ST6GALNAC5: variants seen among roughly 807,000 people sequenced by gnomAD.
ST6GALNAC5 encodes the protein ST6 N-acetylgalactosaminide alpha-2,6-sialyltransferase 5, also known as alpha-N-acetylgalactosaminide alpha-2,6-sialyltransferase 5.
Under a neutral mutation model 33.6 loss-of-function variants are expected in ST6GALNAC5, and 27 were observed. That is an observed-to-expected ratio of 0.80 (90% CI 0.59 to 1.11). ST6GALNAC5 has a LOEUF of 1.11. Ranked by LOEUF, ST6GALNAC5 falls within the 50% of genes least tolerant of loss-of-function variation. The pLI is 0.00. For synonymous variants in ST6GALNAC5, 194 were observed against 171.2 expected, an observed-to-expected ratio of 1.13 and a Z score of -1.04; for missense variants, 428 against 454.0, an observed-to-expected ratio of 0.94 and a Z score of 0.52.
rs113306133 is a variant in ST6GALNAC5, at chr1:76,897,739, T to G, written c.261+28997T>G. Among the ~76,000 whole-genome samples the G allele has an allele frequency of 5.3e-4, 81 of 152,218 alleles. 2 individuals carry two copies. The East Asian group carries it at 6.2e-3, about 12-fold the overall frequency. On this transcript the variant is annotated intron_variant, in intron 2 of 4. Coordinates refer to ENST00000477717, the MANE Select transcript of ST6GALNAC5 (RefSeq NM_030965.3). ...GCAGATAATTTAGTTAAAGTGTCTCTGCCTAATAAGGGAACTGGGCAGGTG... is the reference window on the plus strand; with the variant it reads ...GCAGATAATTTAGTTAAAGTGTCTCGGCCTAATAAGGGAACTGGGCAGGTG...
At chr1:76,994,583 C>T (rs1649853819) in intron 2 of ST6GALNAC5, among the ~76,000 whole-genome samples, 2 of 151,964 alleles carry the variant, frequency 1.3e-5, no homozygotes, top group Admixed American at 6.6e-5. Context: ...ACCCCGAGCC[C>T]ACACTTAAAA....
chr1:76,916,505 T>A (rs770469464), intron 2 of ST6GALNAC5, among the ~76,000 whole-genome samples: 5 of 152,192 alleles, frequency 3.3e-5, no homozygotes, highest in Non-Finnish European at 7.3e-5. Flanking sequence ...AATTTTACTT[T>A]ATTTTTTGAT....
intron 2 of ST6GALNAC5, among the ~76,000 whole-genome samples, chr1:76,969,421 A>G (rs981622868): frequency 1.3e-5 from 2 of 152,222 alleles, no homozygotes; most frequent in Non-Finnish European, 2.9e-5. Context: ...AGCCTTGCTC[A>G]CTGCTAGTGC....
At chr1:76,998,818 G>T (rs1650035771) in intron 2 of ST6GALNAC5, among the ~76,000 whole-genome samples, 1 of 152,110 alleles carries the variant, frequency 6.6e-6, no homozygotes, top group Non-Finnish European at 1.5e-5. Context: ...GCAGAATGTG[G>T]AATAGTTTCT....
chr1:76,921,398 A>G (rs1040476137), intron 2 of ST6GALNAC5, among the ~76,000 whole-genome samples: 1 of 152,136 alleles, frequency 6.6e-6, no homozygotes, highest in Non-Finnish European at 1.5e-5. Flanking sequence ...ACAGAGAAAA[A>G]TCAATGAAAC....
intron 2 of ST6GALNAC5, among the ~76,000 whole-genome samples, chr1:76,918,258 T>C (rs1171720392): frequency 1.3e-5 from 2 of 152,104 alleles, no homozygotes; most frequent in Non-Finnish European, 2.9e-5. Context: ...AAGAGATCTC[T>C]AATAAAATGC....
At chr1:76,905,584 T>C (rs1419501108) in intron 2 of ST6GALNAC5, among the ~76,000 whole-genome samples, 2 of 152,244 alleles carry the variant, frequency 1.3e-5, no homozygotes, top group Non-Finnish European at 2.9e-5. Context: ...ATCAGGACAC[T>C]GTTCTTCAAA....
At chr1:76,884,804 G>T (rs745419330) in intron 2 of ST6GALNAC5, among the ~76,000 whole-genome samples, 1 of 152,140 alleles carries the variant, frequency 6.6e-6, no homozygotes, top group Non-Finnish European at 1.5e-5. Flanking sequence ...TTGATGTGCT[G>T]TTTGATAAAA....
intron 2 of ST6GALNAC5, among the ~76,000 whole-genome samples, chr1:76,897,858 C>A (rs1364952831): frequency 2.0e-5 from 3 of 152,120 alleles, no homozygotes; most frequent in South Asian, 4.1e-4. Context: ...GCCGTCAATA[C>A]CCACAACAGT....
intron 3 of ST6GALNAC5, among the ~76,000 whole-genome samples, chr1:77,046,950 A>G (rs1255534292): frequency 6.6e-6 from 1 of 152,152 alleles, no homozygotes; most frequent in Non-Finnish European, 1.5e-5. Flanking sequence ...ATCTTTAGGA[A>G]CCCTTCTCAC....
chr1:76,907,929 A>G (rs747449841), intron 2 of ST6GALNAC5, among the ~76,000 whole-genome samples: 47 of 152,164 alleles, frequency 3.1e-4, no homozygotes, highest in Non-Finnish European at 5.7e-4. Flanking sequence ...AATTTGGTGC[A>G]TTATATTTAT....
In ST6GALNAC5 at chr1:77,048,667, A is replaced by G. The variant is rs150719979; in HGVS notation, c.672-1591A>G. On this transcript the variant is annotated intron_variant, in intron 3 of 4. Transcript: ENST00000477717. ...GCCCCCAGTAGCAGAATGTTGGAAG[A>G]ATTTTCTTCATGGTTGCTAAAAAGC... 5.1e-3 allele frequency among the ~76,000 whole-genome samples: 780 copies of G among 152,334 alleles called. 11 individuals are homozygous for G. Among genetic ancestry groups the G allele is most frequent in the African/African-American group, 0.017 (717 of 41,568 alleles).
intron 2 of ST6GALNAC5, among the ~76,000 whole-genome samples, chr1:76,885,561 G>T (rs1447680626): frequency 1.3e-5 from 2 of 152,168 alleles, no homozygotes; most frequent in Non-Finnish European, 2.9e-5. Context: ...TAAAGGAGGG[G>T]ATGGCTTTGC....
chr1:76,996,504 C>G (rs138427396), intron 2 of ST6GALNAC5, among the ~76,000 whole-genome samples: 1 of 152,248 alleles, frequency 6.6e-6, no homozygotes, highest in African/African-American at 2.4e-5. Flanking sequence ...AAATCCTATC[C>G]TGCTTGCAGT....
chr1:76,949,981 G>T (rs758442647), intron 2 of ST6GALNAC5, among the ~76,000 whole-genome samples: 17 of 152,134 alleles, frequency 1.1e-4, no homozygotes, highest in Non-Finnish European at 5.9e-5. Context: ...AGAAGACAGA[G>T]CCCTGCCTGT....
At chr1:77,030,424 T>A (rs1054045643) in intron 2 of ST6GALNAC5, among the ~76,000 whole-genome samples, 1 of 152,196 alleles carries the variant, frequency 6.6e-6, no homozygotes, top group African/African-American at 2.4e-5. Flanking sequence ...TTAACTGAGA[T>A]GCTAGTAATA....
At chr1:77,005,026 C>T (rs1353163655) in intron 2 of ST6GALNAC5, among the ~76,000 whole-genome samples, 4 of 151,312 alleles carry the variant, frequency 2.6e-5, no homozygotes, top group South Asian at 4.2e-4. Flanking sequence ...CCACCCAGTT[C>T]GAGCTTCCTG....
intron 2 of ST6GALNAC5, among the ~76,000 whole-genome samples, chr1:77,002,124 C>A (rs1036815193): frequency 6.6e-6 from 1 of 151,950 alleles, no homozygotes; most frequent in Non-Finnish European, 1.5e-5. Context: ...TGGTCCTGGA[C>A]TCTTTTTGGT....
chr1:76,989,679 T>G (rs1008499685), intron 2 of ST6GALNAC5, among the ~76,000 whole-genome samples: 1 of 152,096 alleles, frequency 6.6e-6, no homozygotes, highest in African/African-American at 2.4e-5. Flanking sequence ...AGTGCAAAGG[T>G]TCTTCTTTTC....
Sources: allele counts gnomAD v4.1 joint callset (sites outside exome capture counted in the v4.1 genomes callset), GRCh38; gene constraint gnomAD v4.1.1; transcripts MANE v1.5; gene names NCBI Gene and HGNC (gene_info 2026-07-23, HGNC 2026-07-21).